Variants in NXN observed in about 807,000 individuals in gnomAD.
NXN encodes nucleoredoxin 1.
Under a neutral mutation model 48.6 loss-of-function variants are expected in NXN, and 16 were observed. The observed-to-expected ratio is 0.33, with a 90% CI of 0.22 to 0.50. The LOEUF (loss-of-function observed/expected upper bound fraction) is 0.50, where lower values mean the gene tolerates loss of function less well. Among genes scored for constraint, NXN ranks in the 20% least tolerant of loss-of-function variants. The pLI is 0.98. For missense variants in NXN, 492 were observed against 605.5 expected (o/e 0.81, Z 1.97); for synonymous variants, 281 against 269.6 (o/e 1.04, Z -0.41).
intron 1 of NXN, among the ~76,000 whole-genome samples, chr17:848,355 G>C (rs2067887952): frequency 6.6e-6 from 1 of 152,154 alleles, no homozygotes; most frequent in Admixed American, 6.5e-5. Flanking sequence ...GGCCAGGGCT[G>C]GGCTCAAACT....
chr17:883,946 C>A (rs1364075727), intron 1 of NXN, among the ~76,000 whole-genome samples: 4 of 152,062 alleles, frequency 2.6e-5, no homozygotes, highest in Non-Finnish European at 5.9e-5. Flanking sequence ...GGGCCGGGCG[C>A]GGTGGCTCAC....
chr17:888,616 A>G (rs1460793309), intron 1 of NXN, among the ~76,000 whole-genome samples: 1 of 151,902 alleles, frequency 6.6e-6, no homozygotes, highest in African/African-American at 2.4e-5. Flanking sequence ...AAATAAATAC[A>G]GCTGGGATGA....
intron 1 of NXN, among the ~76,000 whole-genome samples, chr17:871,110 C>G (rs1239313337): frequency 6.6e-6 from 1 of 152,024 alleles, no homozygotes; most frequent in Non-Finnish European, 1.5e-5. Flanking sequence ...ATCCGCCCAC[C>G]TCGGCCTCCC....
intron 1 of NXN, among the ~76,000 whole-genome samples, chr17:906,343 A>G (rs1266640894): frequency 2.0e-5 from 3 of 152,082 alleles, no homozygotes; most frequent in Non-Finnish European, 2.9e-5. Flanking sequence ...ATAAATAAAT[A>G]AATACCATGT....
chr17:812,663 GGT>G (rs201317710), intron 5 of NXN, among the ~76,000 whole-genome samples: 4,072 of 150,924 alleles, frequency 0.027, 126 homozygotes, highest in East Asian at 0.12. Flanking sequence ...TGTGACTGTA[GGT>G]GTGTGTGAGT....
chr17:880,627 A>G (rs1296526385), intron 1 of NXN, among the ~76,000 whole-genome samples: 1 of 152,158 alleles, frequency 6.6e-6, no homozygotes, highest in Non-Finnish European at 1.5e-5. Flanking sequence ...AATGAGACTC[A>G]AAATAGGCCA....
At chr17:879,291 TTTTG>T (rs1408198228) in intron 1 of NXN, among the ~76,000 whole-genome samples, 2 of 138,516 alleles carry the variant, frequency 1.4e-5, no homozygotes, top group Admixed American at 7.2e-5. Context: ...GTTTTTGGTT[TTTTG>T]TTTTTTTTTT....
At chr17:962,565 G>T (rs1427716666) in intron 1 of NXN, among the ~76,000 whole-genome samples, 1 of 152,036 alleles carries the variant, frequency 6.6e-6, no homozygotes, top group African/African-American at 2.4e-5. Context: ...ATAAATATTA[G>T]ATTTTAAAAA....
At chr17:870,705 C>T (rs956443177) in intron 1 of NXN, among the ~76,000 whole-genome samples, 2 of 151,200 alleles carry the variant, frequency 1.3e-5, no homozygotes, top group East Asian at 1.9e-4. Context: ...CAGTGAGCCC[C>T]GATTGTGCTA....
chr17:923,892 T>C (rs2068771736), intron 1 of NXN, among the ~76,000 whole-genome samples: 1 of 152,162 alleles, frequency 6.6e-6, no homozygotes, highest in Non-Finnish European at 1.5e-5. Flanking sequence ...ATTCGTGAGA[T>C]AGTTAAGTGG....
chr17:909,661 C>G (rs75565691), intron 1 of NXN: 1 of 151,990 alleles, frequency 6.6e-6, no homozygotes. Context: ...GCCTCAGCCT[C>G]CCGAGTAGCT....
intron 1 of NXN, among the ~76,000 whole-genome samples, chr17:955,118 T>C (rs1056126466): frequency 2.0e-5 from 3 of 151,604 alleles, no homozygotes; most frequent in East Asian, 1.9e-4. Flanking sequence ...ACGGGAAAGA[T>C]GGGCCTGTGG....
chr17:808,912 A>G (rs1911746700), intron 5 of NXN, among the ~76,000 whole-genome samples: 2 of 150,844 alleles, frequency 1.3e-5, no homozygotes, highest in Non-Finnish European at 3.0e-5. Context: ...CCTGACCTCA[A>G]GTGATCTGCC....
At chr17:964,459 A>G (rs546076224) in intron 1 of NXN, among the ~76,000 whole-genome samples, 6 of 152,368 alleles carry the variant, frequency 3.9e-5, no homozygotes, top group African/African-American at 1.2e-4. Flanking sequence ...ATGAAAGAGA[A>G]TATGTTCACG....
At chr17:884,577 A>T (rs950810163) in intron 1 of NXN, among the ~76,000 whole-genome samples, 1 of 152,234 alleles carries the variant, frequency 6.6e-6, no homozygotes, top group African/African-American at 2.4e-5. Context: ...TGATGGCCAC[A>T]GGAAAAGGGC....
At chr17:839,965 C>T (rs1327853119) in intron 1 of NXN, among the ~76,000 whole-genome samples, 1 of 151,546 alleles carries the variant, frequency 6.6e-6, no homozygotes, top group Non-Finnish European at 1.5e-5. Flanking sequence ...GGCAAGGAGA[C>T]AGGTGCCTGT....
intron 1 of NXN, among the ~76,000 whole-genome samples, chr17:935,412 C>T (rs1245526596): frequency 2.0e-5 from 3 of 152,132 alleles, no homozygotes; most frequent in South Asian, 2.1e-4. Context: ...CAGAAACCCC[C>T]CAGCTGAAGA....
At chr17:906,772 T>C (rs2068585442) in intron 1 of NXN, among the ~76,000 whole-genome samples, 1 of 151,868 alleles carries the variant, frequency 6.6e-6, no homozygotes, top group Non-Finnish European at 1.5e-5. Flanking sequence ...TTTCATTATG[T>C]TGGCCAGTCT....
At chr17:844,256 C>A (rs1293693984) in intron 1 of NXN, among the ~76,000 whole-genome samples, 1 of 150,852 alleles carries the variant, frequency 6.6e-6, no homozygotes, top group African/African-American at 2.4e-5. Flanking sequence ...TCCTACGTCC[C>A]GTCCCACCCA....
Sources: gnomAD v4.1 joint callset for allele counts (sites outside exome capture counted in the v4.1 genomes callset) on GRCh38, gnomAD v4.1.1 for gene constraint, MANE v1.5 for transcripts, NCBI Gene and HGNC (gene_info 2026-07-23, HGNC 2026-07-21) for gene names.